Variants in FYTTD1 observed in about 807,000 individuals in gnomAD.
FYTTD1 encodes UAP56-interacting factor.
Under a neutral mutation model 40.9 loss-of-function variants are expected in FYTTD1, and 22 were observed. The ratio of observed to expected loss-of-function variants is 0.54; its 90% CI spans 0.38 to 0.77. The LOEUF (loss-of-function observed/expected upper bound fraction) is 0.77. Ranked by LOEUF, FYTTD1 falls within the 30% of genes least tolerant of loss-of-function variation. The pLI, the probability that FYTTD1 is intolerant of heterozygous loss-of-function variation, is 0.00. For synonymous variants in FYTTD1, 140 were observed against 137.9 expected (o/e 1.01, Z -0.10); for missense variants, 351 against 392.2 (o/e 0.90, Z 0.89).
intron 2 of FYTTD1, among the ~76,000 whole-genome samples, 166 bp downstream of exon 2, chr3:197,756,723 G>T (rs539710443): frequency 1.3e-5 from 2 of 152,312 alleles, no homozygotes; most frequent in Non-Finnish European, 2.9e-5. Context: ...AAAAATTTCA[G>T]TAGCCTTCAA....
rs776510184 is a variant in FYTTD1, at chr3:197,749,940, C to G, written c.-32C>G. The G allele has an allele frequency of 2.7e-6, 4 of 1,478,628 alleles. No homozygotes were observed. Among genetic ancestry groups the G allele is most frequent in the East Asian group, 2.7e-5 (1 of 36,782 alleles). The allele number at this position is 1,478,628 out of a possible 1,614,324, so 91.6% of individuals were successfully genotyped here. ...GGCAGGCCTGCGACTCCGGCCTTGTCCGCGCCCGCTCTCGGCGCGACGTCT... is the reference window on the plus strand; with the variant it reads ...GGCAGGCCTGCGACTCCGGCCTTGTGCGCGCCCGCTCTCGGCGCGACGTCT... On this transcript the variant is annotated 5_prime_UTR_variant, in exon 1 of 9. Transcript: ENST00000241502.
chr3:197,769,483 C>T (rs1288782109), intron 3 of FYTTD1, among the ~76,000 whole-genome samples: 2 of 152,168 alleles, frequency 1.3e-5, no homozygotes, highest in African/African-American at 4.8e-5. Context: ...AGATAAGGTG[C>T]ATATTTGTCA....
intron 2 of FYTTD1, among the ~76,000 whole-genome samples, chr3:197,762,697 A>C (rs1354913001): frequency 6.6e-6 from 1 of 151,254 alleles, no homozygotes; most frequent in South Asian, 2.1e-4. Flanking sequence ...CCTGGCTAAC[A>C]CAGTGAAACC....
In FYTTD1 at chr3:197,749,883, G is replaced by A; in HGVS notation, c.-89G>A. 1.2e-6 allele frequency: 1 copy of A among 805,676 alleles called. No homozygotes were observed. The highest frequency in any genetic ancestry group is 3.5e-5 in the East Asian group (1 of 28,936). 49.9% of individuals were successfully genotyped at this position (805,676 alleles called of 1,614,324 possible). A position where few individuals can be genotyped will look rare whatever the true frequency, so the allele number is the denominator to read the frequency against. On this transcript the variant is annotated 5_prime_UTR_variant, in exon 1 of 9. Transcript: ENST00000241502. ...GGCGCCGGCGCGTGCGCGCTCCCTC[G>A]GTGCGGCGGGCTGCGTGCGCGAGTG...
rs1045075592 is a variant in FYTTD1, at chr3:197,763,091, G to A, written c.236-5348G>A. Reference sequence around the variant, plus strand: ...TAATGAGTTTATTATTATTTTTTAAGTGAAATGGTTTTTAACTATCTTACT... The same window carrying A: ...TAATGAGTTTATTATTATTTTTTAAATGAAATGGTTTTTAACTATCTTACT... On this transcript the variant is annotated intron_variant, in intron 2 of 8. Transcript: ENST00000241502. 1.2e-4 allele frequency among the ~76,000 whole-genome samples: 19 copies of A among 152,212 alleles called. No homozygotes were observed. In the South Asian group the frequency reaches 3.1e-3, roughly 25 times the overall value.
chr3:197,771,952 G>A (rs563140608), intron 4 of FYTTD1, among the ~76,000 whole-genome samples: 1 of 151,978 alleles, frequency 6.6e-6, no homozygotes, highest in South Asian at 2.1e-4. Flanking sequence ...AAATTAGCTG[G>A]ACGTGGTGGT....
At chr3:197,749,808 G>T (rs1728932326), upstream of FYTTD1, 2 of 475,316 alleles carry the variant, frequency 4.2e-6, no homozygotes, top group African/African-American at 2.1e-5. Context: ...GGTCGCCCGC[G>T]AGTGTCGGTG....
intron 1 of FYTTD1, among the ~76,000 whole-genome samples, chr3:197,753,816 C>G (rs1186628914): frequency 6.6e-6 from 1 of 152,020 alleles, no homozygotes; most frequent in Admixed American, 6.6e-5. Flanking sequence ...AGTGCAGTGG[C>G]ACGATCTCGG....
At chr3:197,757,516 A>C (rs1052348230) in intron 2 of FYTTD1, among the ~76,000 whole-genome samples, 4 of 152,246 alleles carry the variant, frequency 2.6e-5, no homozygotes, top group African/African-American at 9.6e-5. Flanking sequence ...AGCTGAGCAC[A>C]GTGGCTTATG....
At chr3:197,773,142 G>A (rs1419116646) in intron 4 of FYTTD1, among the ~76,000 whole-genome samples, 1 of 152,180 alleles carries the variant, frequency 6.6e-6, no homozygotes, top group Non-Finnish European at 1.5e-5. Flanking sequence ...GTCTTCAGAA[G>A]ATATATGGGA....
chr3:197,781,881 G>C lies in FYTTD1; in HGVS notation c.929G>C (p.Gly310Ala), dbSNP rs1217777445. 2.5e-6 allele frequency: 4 copies of C among 1,607,784 alleles called. No homozygotes were observed. The African/African-American group carries it at 5.3e-5, about 21-fold the overall frequency. The change falls in exon 9 of 9, where the codon GGG becomes GCG. Residue 310 changes from glycine to alanine, a missense_variant. Coordinates refer to ENST00000241502, the MANE Select transcript of FYTTD1 (RefSeq NM_032288.7). ...EQRATLTYNK[G>A]GSRFVTVG ...AGAGCCACTCTCACATACAACAAAGGGGGAAGCCGCTTTGTCACCGTGGGA... is the reference window on the plus strand; with the variant it reads ...AGAGCCACTCTCACATACAACAAAGCGGGAAGCCGCTTTGTCACCGTGGGA...
chr3:197,767,242 C>G (rs1729577547), intron 2 of FYTTD1, among the ~76,000 whole-genome samples: 1 of 151,948 alleles, frequency 6.6e-6, no homozygotes, highest in African/African-American at 2.4e-5. Flanking sequence ...CAGTTCACGC[C>G]ATTCTCCTGC....
rs1466302621 is a variant in FYTTD1 at position 197,785,145 on chromosome 3, A to G, written c.*3236A>G. The G allele has an allele frequency of 2.0e-5, 3 of 152,226 alleles. No homozygotes were observed. Among genetic ancestry groups the G allele is most frequent in the Non-Finnish European group, 4.4e-5 (3 of 68,048 alleles). The allele number at this position is 152,226 out of a possible 1,614,324, so 9.4% of individuals were successfully genotyped here. On this transcript the variant is annotated 3_prime_UTR_variant, in exon 9 of 9. Transcript: ENST00000241502. ...TTACTTTGCTATTTGGGTTAGGTAG[A>G]CCTGTTAGAAAAGTCCAGTGTTCCT...
At chr3:197,756,328 AAAG>A (rs575705112) in intron 1 of FYTTD1, 95 bp from the exon 2 acceptor site, 38 of 829,598 alleles carry the variant, frequency 4.6e-5, no homozygotes, top group Non-Finnish European at 6.6e-5. Context: ...TCAAAGTAGA[AAAG>A]AAGTTAGGAA....
rs1021505276 is a variant in FYTTD1 at position 197,784,439 on chromosome 3, C to A, written c.*2530C>A. On this transcript the variant is annotated 3_prime_UTR_variant, in exon 9 of 9. Transcript: ENST00000241502. ...CAAAATTGGTAAATCACTGTAGACT[C>A]TTCTATTAGCATCCCTCTCTCTTTT... 1 of 152,290 alleles carries A rather than the reference C, an allele frequency of 6.6e-6. No homozygotes were observed. Among genetic ancestry groups the A allele is most frequent in the Middle Eastern group, 3.4e-3 (1 of 294 alleles). 9.4% of individuals were successfully genotyped at this position (152,290 alleles called of 1,614,324 possible).
chr3:197,768,627 C>T (rs756951432), intron 3 of FYTTD1, 40 bp downstream of exon 3: 47 of 1,550,606 alleles, frequency 3.0e-5, no homozygotes, highest in Non-Finnish European at 4.0e-5. Context: ...TATCCTTTTC[C>T]TTTATTTGTA....
Position 197,765,133 on chromosome 3 carries a change from G to C in FYTTD1, c.236-3306G>C, listed in dbSNP as rs114729878. The stretch of plus-strand genomic sequence containing the variant: ...CTCACTAAATGTTGGAATTACAGGC[G>C]TGAGCCACGGTACCCAACCTTATTT... On this transcript the variant is annotated intron_variant, in intron 2 of 8. Coordinates refer to ENST00000241502, the MANE Select transcript of FYTTD1 (RefSeq NM_032288.7). Among the ~76,000 whole-genome samples the C allele has an allele frequency of 2.3e-3, 352 of 152,236 alleles. 1 individual carries two copies. Among genetic ancestry groups the C allele is most frequent in the African/African-American group, 7.8e-3 (325 of 41,546 alleles).
Position 197,784,088 on chromosome 3 carries a change from C to T in FYTTD1, c.*2179C>T, listed in dbSNP as rs9845296. On this transcript the variant is annotated 3_prime_UTR_variant, in exon 9 of 9. Coordinates refer to ENST00000241502, the MANE Select transcript of FYTTD1 (RefSeq NM_032288.7). ...TAATCCTTGTTCAGTTCTTAAGTTT[C>T]GGTTTTTTTTAAAAACAGGATGCAA... 0.035 allele frequency: 5,380 copies of T among 152,334 alleles called. 270 individuals carry two copies. The highest frequency in any genetic ancestry group is 0.12 in the African/African-American group (4,784 of 41,406). The allele number at this position is 152,334 out of a possible 1,614,324, so 9.4% of individuals were successfully genotyped here.
chr3:197,749,799 G>T (rs993366521), upstream of FYTTD1: 19 of 478,410 alleles, frequency 4.0e-5, no homozygotes, highest in Admixed American at 4.0e-4. Context: ...GGCCGCTCTG[G>T]TCGCCCGCGA....
Sources: allele counts gnomAD v4.1 joint callset (sites outside exome capture counted in the v4.1 genomes callset), GRCh38; gene constraint gnomAD v4.1.1; transcripts MANE v1.5; gene names NCBI Gene and HGNC (gene_info 2026-07-23, HGNC 2026-07-21).